TSHZ2: variants seen among roughly 807,000 people sequenced by gnomAD.
TSHZ2 encodes teashirt homolog 2.
In TSHZ2, 21 loss-of-function variants were observed where a neutral mutation model predicts 74.4. That is an observed-to-expected ratio of 0.28 (90% CI 0.20 to 0.41). The LOEUF is 0.41. TSHZ2 is among the 10% of genes least tolerant of loss of function. The pLI, the probability that TSHZ2 is intolerant of heterozygous loss-of-function variation, is 1.00. For missense variants in TSHZ2, 1,244 were observed against 1,293.5 expected, an observed-to-expected ratio of 0.96 and a Z score of 0.59; for synonymous variants, 540 against 515.3, an observed-to-expected ratio of 1.05 and a Z score of -0.65.
intron 2 of TSHZ2, among the ~76,000 whole-genome samples, chr20:53,450,424 C>T (rs1365758667): frequency 6.6e-6 from 1 of 152,222 alleles, no homozygotes; most frequent in Non-Finnish European, 1.5e-5. Flanking sequence ...TGAACTCATG[C>T]AGGATCCACA....
At chr20:53,207,329 G>A (rs1039434622) in intron 1 of TSHZ2, among the ~76,000 whole-genome samples, 1 of 152,074 alleles carries the variant, frequency 6.6e-6, no homozygotes, top group Non-Finnish European at 1.5e-5. Context: ...TTTTTTTCAG[G>A]GGTGGGGGGC....
intron 2 of TSHZ2, among the ~76,000 whole-genome samples, chr20:53,357,414 T>C (rs1451843643): frequency 2.0e-5 from 3 of 152,114 alleles, no homozygotes; most frequent in Non-Finnish European, 4.4e-5. Flanking sequence ...CCTGTAATTC[T>C]AACACTTTGG....
At chr20:53,412,897 C>T (rs1983103677) in intron 2 of TSHZ2, 3 of 152,298 alleles carry the variant, frequency 2.0e-5, no homozygotes, top group Admixed American at 1.3e-4. Context: ...TCCCAGTCCT[C>T]AGGTTGGAGC....
At chr20:53,236,344 C>G (rs758340029) in intron 1 of TSHZ2, among the ~76,000 whole-genome samples, 8 of 152,196 alleles carry the variant, frequency 5.3e-5, no homozygotes, top group Non-Finnish European at 7.3e-5. Flanking sequence ...TTTGCTTACT[C>G]TCTGGATGCT....
At chr20:53,409,882 C>T (rs1982989739) in intron 2 of TSHZ2, among the ~76,000 whole-genome samples, 2 of 116,242 alleles carry the variant, frequency 1.7e-5, no homozygotes, top group South Asian at 5.8e-4. Context: ...AGTCTTGTTC[C>T]GTCGCCCAGA....
At chr20:53,215,123 T>A (rs140529336) in intron 1 of TSHZ2, among the ~76,000 whole-genome samples, 2 of 152,268 alleles carry the variant, frequency 1.3e-5, no homozygotes, top group South Asian at 2.1e-4. Context: ...GAGTTTTTTT[T>A]AAAGATTATC....
At chr20:53,040,804 G>C (rs964873023) in intron 1 of TSHZ2, among the ~76,000 whole-genome samples, 1 of 152,110 alleles carries the variant, frequency 6.6e-6, no homozygotes, top group African/African-American at 2.4e-5. Context: ...TGGGGCCCAG[G>C]TTGCATCAGC....
At chr20:53,035,675 G>A (rs1226824172) in intron 1 of TSHZ2, among the ~76,000 whole-genome samples, 1 of 152,176 alleles carries the variant, frequency 6.6e-6, no homozygotes, top group Non-Finnish European at 1.5e-5. Context: ...GGAAAGGGAG[G>A]TAGATAACAG....
Position 53,340,177 on chromosome 20 carries a change from C to CTTTTTTTTTTTTTTTTTTTTTTTTTTTT in TSHZ2, c.*8+83612_*8+83613insTTTTTTTTTTTTTTTTTTTTTTTTTTTT, listed in dbSNP as rs74177489. On this transcript the variant is annotated intron_variant, in intron 2 of 2. Coordinates refer to ENST00000371497, the MANE Select transcript of TSHZ2 (RefSeq NM_173485.6). ...GGATAAAACAAGGTGACTTTTCTTT[C>CTTTTTTTTTTTTTTTTTTTTTTTTTTTT]TTTTTTCTTTTTTTTTTTTTTTTGA... Among the ~76,000 whole-genome samples, 2 of 94,080 alleles carry CTTTTTTTTTTTTTTTTTTTTTTTTTTTT rather than the reference C, an allele frequency of 2.1e-5. 1 individual carries two copies. The allele number at this position is 94,080 out of a possible 152,430, so 61.7% of individuals were successfully genotyped here.
At chr20:53,387,663 A>G (rs1011010648) in intron 2 of TSHZ2, among the ~76,000 whole-genome samples, 7 of 152,172 alleles carry the variant, frequency 4.6e-5, no homozygotes, top group African/African-American at 1.7e-4. Flanking sequence ...TCTCGCCTAC[A>G]GTTGAAGTGA....
chr20:53,291,676 C>T (rs1363093088), intron 2 of TSHZ2, among the ~76,000 whole-genome samples: 1 of 151,904 alleles, frequency 6.6e-6, no homozygotes, highest in Non-Finnish European at 1.5e-5. Flanking sequence ...GCTGGTGGGA[C>T]CACTCTTGCA....
intron 1 of TSHZ2, among the ~76,000 whole-genome samples, chr20:53,218,757 A>G (rs1391363975): frequency 6.6e-6 from 1 of 152,246 alleles, no homozygotes; most frequent in East Asian, 1.9e-4. Context: ...GAGAAAACAG[A>G]CTGAGAATTC....
chr20:53,409,151 G>A (rs1221699436), intron 2 of TSHZ2, among the ~76,000 whole-genome samples: 1 of 152,106 alleles, frequency 6.6e-6, no homozygotes, highest in Non-Finnish European at 1.5e-5. Context: ...CAGAAGGGGG[G>A]ATGTGAACTC....
intron 1 of TSHZ2, among the ~76,000 whole-genome samples, chr20:53,033,879 C>A (rs930842593): frequency 1.3e-5 from 2 of 151,802 alleles, no homozygotes; most frequent in South Asian, 4.2e-4. Flanking sequence ...AGGTTAGTCT[C>A]GAACTCCTGA....
chr20:53,147,083 T>C (rs529236556), intron 1 of TSHZ2, among the ~76,000 whole-genome samples: 20 of 152,330 alleles, frequency 1.3e-4, no homozygotes, highest in African/African-American at 4.6e-4. Context: ...GTTGATTTTG[T>C]GCCCAATGTA....
intron 1 of TSHZ2, among the ~76,000 whole-genome samples, chr20:53,028,418 G>A (rs889214071): frequency 6.6e-6 from 1 of 152,240 alleles, no homozygotes; most frequent in East Asian, 1.9e-4. Flanking sequence ...CCGGTGGCGG[G>A]AACCCTGGGC....
At chr20:53,127,493 G>A (rs1986978428) in intron 1 of TSHZ2, among the ~76,000 whole-genome samples, 2 of 152,214 alleles carry the variant, frequency 1.3e-5, no homozygotes, top group Non-Finnish European at 2.9e-5. Context: ...ATTGCTTGAG[G>A]CCAGGAGCTT....
chr20:53,353,772 C>A (rs1980742432), intron 2 of TSHZ2, among the ~76,000 whole-genome samples: 1 of 152,208 alleles, frequency 6.6e-6, no homozygotes, highest in South Asian at 2.1e-4. Flanking sequence ...TCAGATTTAT[C>A]ATCAGGCAGT....
intron 2 of TSHZ2, among the ~76,000 whole-genome samples, chr20:53,373,176 C>A (rs1981538963): frequency 6.6e-6 from 1 of 152,184 alleles, no homozygotes; most frequent in South Asian, 2.1e-4. Flanking sequence ...GATAATGACG[C>A]AATTAGAGTC....
Sources: allele counts gnomAD v4.1 joint callset (sites outside exome capture counted in the v4.1 genomes callset), GRCh38; gene constraint gnomAD v4.1.1; transcripts MANE v1.5; gene names NCBI Gene and HGNC (gene_info 2026-07-23, HGNC 2026-07-21).